The following TENM2 variants were observed in gnomAD, a reference collection of about 807,000 sequenced individuals.
TENM2 encodes teneurin transmembrane protein 2, also known as teneurin-2.
A neutral mutation model predicts 245.2 loss-of-function variants in TENM2; 52 were observed. The observed-to-expected ratio is 0.21, with a 90% CI of 0.17 to 0.27. The LOEUF is 0.27. TENM2 is among the 10% of genes least tolerant of loss of function. TENM2 has a pLI of 1.00. For synonymous variants in TENM2, 1,363 were observed against 1,438.9 expected (o/e 0.95, Z 1.19); for missense variants, 3,046 against 3,666.8 (o/e 0.83, Z 4.37).
In TENM2 at chr5:168,238,263, A is replaced by AGAAAGGAAAG. The variant is rs1562321214; in HGVS notation, c.5521-6153_5521-6152insGGAAAGGAAA. Among the ~76,000 whole-genome samples, 51 of 139,184 alleles carry AGAAAGGAAAG rather than the reference A, an allele frequency of 3.7e-4. 2 individuals are homozygous for AGAAAGGAAAG. Among genetic ancestry groups the AGAAAGGAAAG allele is most frequent in the African/African-American group, 1.5e-3 (48 of 32,032 alleles). 91.3% of individuals were successfully genotyped at this position (139,184 alleles called of 152,430 possible). A position where few individuals can be genotyped will look rare whatever the true frequency, so the allele number is the denominator to read the frequency against. On this transcript the variant is annotated intron_variant, in intron 25 of 28. Transcript: ENST00000518659. ...AGAAAAGAAAAGAAAAGAAAAGAAA[A>AGAAAGGAAAG]GAAAAGAAAAGAAAAGAAAAGAAAA...
chr5:166,979,270 A>G, the TENM2 span, among the ~76,000 whole-genome samples: 2 of 150,162 alleles, frequency 1.3e-5, no homozygotes, highest in African/African-American at 2.4e-5. Flanking sequence ...GCGGCACAGC[A>G]GGCAGAACTG....
chr5:167,109,974 GT>G, the TENM2 span, among the ~76,000 whole-genome samples: 1 of 152,126 alleles, frequency 6.6e-6, no homozygotes, highest in Non-Finnish European at 1.5e-5. Flanking sequence ...ATTTTCTTGA[GT>G]TTTCAGAGTG....
At chr5:167,441,871 G>A (rs1033291583) in intron 2 of TENM2, among the ~76,000 whole-genome samples, 5 of 152,186 alleles carry the variant, frequency 3.3e-5, no homozygotes, top group African/African-American at 9.7e-5. Context: ...ATAGAGAAGG[G>A]TCACAGCTGG....
intron 2 of TENM2, among the ~76,000 whole-genome samples, chr5:167,813,216 G>A (rs1327297651): frequency 6.6e-6 from 1 of 152,068 alleles, no homozygotes; most frequent in East Asian, 1.9e-4. Flanking sequence ...TAGTAGAGAT[G>A]GGATGAGGTT....
intron 3 of TENM2, among the ~76,000 whole-genome samples, chr5:167,924,189 C>G (rs895207559): frequency 6.6e-6 from 1 of 152,212 alleles, no homozygotes; most frequent in Non-Finnish European, 1.5e-5. Flanking sequence ...TGTCTTCATG[C>G]ATATTCCTTA....
intron 7 of TENM2, among the ~76,000 whole-genome samples, chr5:168,071,027 C>T (rs146612680): frequency 5.9e-5 from 9 of 152,164 alleles, no homozygotes; most frequent in Non-Finnish European, 1.0e-4. Context: ...GCTGTTGTTC[C>T]AGACAGGAAC....
intron 2 of TENM2, among the ~76,000 whole-genome samples, chr5:167,660,889 T>C (rs533169669): frequency 6.6e-6 from 1 of 152,322 alleles, no homozygotes; most frequent in East Asian, 1.9e-4. Flanking sequence ...TCTGTGCCAG[T>C]AGCTTGTGGG....
chr5:168,098,291 T>C (rs937706271), intron 9 of TENM2, among the ~76,000 whole-genome samples, 164 bp downstream of exon 11: 1 of 151,908 alleles, frequency 6.6e-6, no homozygotes, highest in Non-Finnish European at 1.5e-5. Context: ...AAGAGTAGGC[T>C]TTGATTTATG....
chr5:167,599,057 A>G (rs867049789), intron 2 of TENM2, among the ~76,000 whole-genome samples: 2 of 152,222 alleles, frequency 1.3e-5, no homozygotes, highest in African/African-American at 2.4e-5. Context: ...GTAGAGGAAC[A>G]TGGAAGCAGA....
intron 2 of TENM2, among the ~76,000 whole-genome samples, chr5:167,807,394 GC>G (rs1766286421): frequency 2.0e-5 from 3 of 151,946 alleles, no homozygotes; most frequent in Admixed American, 2.0e-4. Flanking sequence ...CATTCACCTT[GC>G]CCACTACATA....
chr5:167,020,128 G>T, the TENM2 span, among the ~76,000 whole-genome samples: 4 of 152,048 alleles, frequency 2.6e-5, no homozygotes, highest in East Asian at 7.7e-4. Flanking sequence ...TCACACCACC[G>T]TATATAATAC....
chr5:167,155,280 C>T, the TENM2 span, among the ~76,000 whole-genome samples: 1 of 152,288 alleles, frequency 6.6e-6, no homozygotes, highest in South Asian at 2.1e-4. Flanking sequence ...AAGCTGTGTT[C>T]TATGGGATCC....
intron 12 of TENM2, among the ~76,000 whole-genome samples, chr5:168,147,710 T>C (rs1465863981): frequency 1.3e-5 from 2 of 152,190 alleles, no homozygotes; most frequent in Non-Finnish European, 2.9e-5. Context: ...GGGTGACCTC[T>C]GAAAGCTCCA....
intron 27 of TENM2, among the ~76,000 whole-genome samples, chr5:168,252,219 A>G (rs1441911830): frequency 6.6e-6 from 1 of 151,908 alleles, no homozygotes; most frequent in Non-Finnish European, 1.5e-5. Context: ...CTCTACCAAA[A>G]ATTTAAAAGT....
At chr5:167,389,014 A>G (rs1037792772) in intron 2 of TENM2, among the ~76,000 whole-genome samples, 5 of 152,126 alleles carry the variant, frequency 3.3e-5, no homozygotes, top group Admixed American at 2.0e-4. Context: ...GTTACTTTCT[A>G]AAGATCCTCA....
intron 2 of TENM2, among the ~76,000 whole-genome samples, chr5:167,576,232 A>G (rs906739247): frequency 1.3e-5 from 2 of 152,174 alleles, no homozygotes; most frequent in Non-Finnish European, 2.9e-5. Flanking sequence ...TTTTAGGCAG[A>G]TGGTAATCAA....
intron 2 of TENM2, among the ~76,000 whole-genome samples, chr5:167,809,947 T>C (rs538788636): frequency 1.1e-4 from 17 of 152,212 alleles, no homozygotes; most frequent in Non-Finnish European, 2.2e-4. Flanking sequence ...CTCCAGTCAA[T>C]AGAGATTTTC....
chr5:167,096,296 A>G, the TENM2 span, among the ~76,000 whole-genome samples: 1 of 152,162 alleles, frequency 6.6e-6, no homozygotes, highest in Non-Finnish European at 1.5e-5. Context: ...CAATTTTGAA[A>G]TGCCCTTTTC....
chr5:167,652,953 T>A (rs1234740749), intron 2 of TENM2, among the ~76,000 whole-genome samples: 4 of 152,204 alleles, frequency 2.6e-5, no homozygotes, highest in Non-Finnish European at 5.9e-5. Context: ...TTGGCTTGAC[T>A]TTCAGAGTCT....
Sources: gnomAD v4.1 joint callset for allele counts (sites outside exome capture counted in the v4.1 genomes callset) on GRCh38, gnomAD v4.1.1 for gene constraint, MANE v1.5 for transcripts, NCBI Gene and HGNC (gene_info 2026-07-23, HGNC 2026-07-21) for gene names.